RAPGEF2: variants seen among roughly 807,000 people sequenced by gnomAD.
RAPGEF2 encodes Rap guanine nucleotide exchange factor 2, also known as PDZ domain containing guanine nucleotide exchange factor (GEF) 1.
Under a neutral mutation model 186.7 loss-of-function variants are expected in RAPGEF2, and 54 were observed. The ratio of observed to expected loss-of-function variants is 0.29; its 90% CI spans 0.23 to 0.36. The LOEUF (loss-of-function observed/expected upper bound fraction) is 0.36, where lower values mean the gene tolerates loss of function less well. RAPGEF2 is among the 10% of genes least tolerant of loss of function. The pLI, the probability that RAPGEF2 is intolerant of heterozygous loss-of-function variation, is 1.00. For missense variants in RAPGEF2, 1,532 were observed against 2,045.0 expected (o/e 0.75, Z 4.84); for synonymous variants, 712 against 705.9 (o/e 1.01, Z -0.14).
chr4:159,261,845 A>G (rs1224628293), intron 7 of RAPGEF2, among the ~76,000 whole-genome samples: 2 of 152,164 alleles, frequency 1.3e-5, no homozygotes, highest in Admixed American at 6.5e-5. Context: ...CCACTCACCT[A>G]TGAATTGTTC....
chr4:159,179,565 C>G (rs1336780399), intron 1 of RAPGEF2, among the ~76,000 whole-genome samples: 1 of 152,206 alleles, frequency 6.6e-6, no homozygotes, highest in African/African-American at 2.4e-5. Flanking sequence ...AGCGGGACTT[C>G]TCAGCACCCC....
intron 7 of RAPGEF2, among the ~76,000 whole-genome samples, chr4:159,269,189 G>C (rs1294636146): frequency 1.3e-5 from 2 of 152,108 alleles, no homozygotes; most frequent in Non-Finnish European, 2.9e-5. Context: ...TAGATGCTGA[G>C]GTTCATGAGT....
intron 1 of RAPGEF2, among the ~76,000 whole-genome samples, chr4:159,175,883 C>A (rs1234552102): frequency 6.6e-6 from 1 of 152,192 alleles, no homozygotes; most frequent in Admixed American, 6.5e-5. Context: ...CCTTTTCTTT[C>A]TTTGCACCCA....
At chr4:159,174,823 G>A (rs1272612752) in intron 1 of RAPGEF2, among the ~76,000 whole-genome samples, 3 of 150,442 alleles carry the variant, frequency 2.0e-5, no homozygotes, top group African/African-American at 7.4e-5. Flanking sequence ...TTGGCACAGT[G>A]ACAGCACACT....
intron 7 of RAPGEF2, among the ~76,000 whole-genome samples, chr4:159,280,184 A>G (rs1469364819): frequency 2.0e-5 from 3 of 152,120 alleles, no homozygotes; most frequent in Non-Finnish European, 4.4e-5. Flanking sequence ...TAGATAAGTA[A>G]TTTATAGGGA....
At position 159,244,127 on chromosome 4, in the gene RAPGEF2, A is replaced by T. The variant is rs184178617; in HGVS notation, c.543+336A>T. Among the ~76,000 whole-genome samples, 174 of 152,138 alleles carry T rather than the reference A, an allele frequency of 1.1e-3. 1 individual carries two copies. The highest frequency in any genetic ancestry group is 3.9e-3 in the African/African-American group (163 of 41,568). ...AATGAAGAGAGAAAGGCAGGCAGAC[A>T]TAAAGGATTTTTTTTCCTTTTTATG... On this transcript the variant is annotated intron_variant, in intron 7 of 29. Transcript: ENST00000691494.
At chr4:159,151,173 A>G (rs1270142875) in intron 1 of RAPGEF2, among the ~76,000 whole-genome samples, 1 of 152,248 alleles carries the variant, frequency 6.6e-6, no homozygotes, top group Non-Finnish European at 1.5e-5. Context: ...CATATGCAAC[A>G]AGTCAGTGTA....
chr4:159,117,109 A>G (rs1363484264), intron 1 of RAPGEF2, among the ~76,000 whole-genome samples: 1 of 152,234 alleles, frequency 6.6e-6, no homozygotes, highest in East Asian at 1.9e-4. Flanking sequence ...TACATTTCTA[A>G]ATGACTAGAA....
chr4:159,157,145 A>C (rs1055303889), intron 1 of RAPGEF2, among the ~76,000 whole-genome samples: 2 of 152,154 alleles, frequency 1.3e-5, no homozygotes, highest in Non-Finnish European at 1.5e-5. Context: ...ATACTGCCCA[A>C]TTGCACCTTC....
chr4:159,210,693 G>A, intron 4 of RAPGEF2, 110 bp downstream of exon 4: 1 of 772,216 alleles, frequency 1.3e-6, no homozygotes, highest in East Asian at 2.7e-5. Context: ...CTGATACAAA[G>A]CAAGACAGTA....
chr4:159,250,068 T>TA (rs1432948201), intron 7 of RAPGEF2, among the ~76,000 whole-genome samples: 1 of 152,188 alleles, frequency 6.6e-6, no homozygotes, highest in Admixed American at 6.5e-5. Flanking sequence ...TGGGAAAAAG[T>TA]AATTGTAGAA....
In RAPGEF2 at chr4:159,241,367, C is replaced by T. The variant is rs748328091; in HGVS notation, c.524C>T (p.Thr175Met). ...GKPPLPRGYH[T>M]ECTKSQLPAD... ...CCTCCTTTGCCTAGAGGCTATCACA[C>T]GGTAAGTTATACAAGTATAATATTT... Residue 175 changes from threonine to methionine, a missense_variant and splice_region_variant, in exon 6 of 30, where the codon ACG (threonine) becomes ATG (methionine). Coordinates refer to ENST00000691494, the MANE Select transcript of RAPGEF2 (RefSeq NM_001394067.2). 23 of 1,445,346 alleles carry T rather than the reference C, an allele frequency of 1.6e-5. No individual in the cohort carries two copies. The highest frequency in any genetic ancestry group is 5.7e-5 in the African/African-American group (4 of 70,220). The allele number at this position is 1,445,346 out of a possible 1,614,324, so 89.5% of individuals were successfully genotyped here.
At chr4:159,223,965 C>T (rs1185182545) in intron 4 of RAPGEF2, among the ~76,000 whole-genome samples, 1 of 151,524 alleles carries the variant, frequency 6.6e-6, no homozygotes, top group Non-Finnish European at 1.5e-5. Context: ...GTGGTGTGAT[C>T]TTGTCTCACT....
chr4:159,339,476 A>ATTG, intron 19 of RAPGEF2, 122 bp downstream of exon 19: 1 of 1,264,426 alleles, frequency 7.9e-7, no homozygotes, highest in Non-Finnish European at 1.1e-6. Flanking sequence ...ATTAAAAAGT[A>ATTG]TTGTTGTTGT....
intron 4 of RAPGEF2, among the ~76,000 whole-genome samples, chr4:159,223,206 T>TATTA (rs1554012646): frequency 6.6e-6 from 1 of 151,440 alleles, no homozygotes; most frequent in Non-Finnish European, 1.5e-5. Context: ...CTTAGATGTT[T>TATTA]CTTACGGCGT....
At position 159,346,412 on chromosome 4, in the gene RAPGEF2, G is replaced by A. The variant is rs116723563; in HGVS notation, c.3503-377G>A. Among the ~76,000 whole-genome samples the A allele has an allele frequency of 6.4e-3, 972 of 152,274 alleles. 7 individuals carry two copies. The highest frequency in any genetic ancestry group is 9.8e-3 in the Non-Finnish European group (664 of 68,008). On this transcript the variant is annotated intron_variant, in intron 24 of 29. Coordinates refer to ENST00000691494, the MANE Select transcript of RAPGEF2 (RefSeq NM_001394067.2). ...TACATGTCAAACAATTTGGGACACC[G>A]TTTTAGAAAAATAGTGCCTGATGAC...
At chr4:159,132,619 T>A (rs1173377619) in intron 1 of RAPGEF2, among the ~76,000 whole-genome samples, 1 of 152,210 alleles carries the variant, frequency 6.6e-6, no homozygotes, top group African/African-American at 2.4e-5. Context: ...TGCCTCCTTT[T>A]TCTAAATTAT....
chr4:159,302,334 G>A lies in RAPGEF2; in HGVS notation c.544-2008G>A, dbSNP rs571771022. 7.9e-3 allele frequency among the ~76,000 whole-genome samples: 727 copies of A among 91,546 alleles called. 4 individuals carry two copies. Among genetic ancestry groups the A allele is most frequent in the African/African-American group, 0.039 (677 of 17,358 alleles). The allele number at this position is 91,546 out of a possible 152,430, so 60.1% of individuals were successfully genotyped here. A position where few individuals can be genotyped will look rare whatever the true frequency, so the allele number is the denominator to read the frequency against. On this transcript the variant is annotated intron_variant, in intron 7 of 29. Coordinates refer to ENST00000691494, the MANE Select transcript of RAPGEF2 (RefSeq NM_001394067.2). ...AGATAGTTTTATCTTCATTTGACACGTTAATTTTTTTAAAAAATCACACTA... is the reference window on the plus strand; with the variant it reads ...AGATAGTTTTATCTTCATTTGACACATTAATTTTTTTAAAAAATCACACTA...
chr4:159,321,645 G>A (rs139736792), intron 9 of RAPGEF2, among the ~76,000 whole-genome samples: 260 of 152,254 alleles, frequency 1.7e-3, no homozygotes, highest in African/African-American at 5.8e-3. Context: ...GCTACTGAAT[G>A]ATAAGAAAAC....
Sources: gnomAD v4.1 joint callset for allele counts (sites outside exome capture counted in the v4.1 genomes callset) on GRCh38, gnomAD v4.1.1 for gene constraint, MANE v1.5 for transcripts, NCBI Gene and HGNC (gene_info 2026-07-23, HGNC 2026-07-21) for gene names.